The following RORA variants were observed in gnomAD, a reference collection of about 807,000 sequenced individuals.
RORA encodes RAR related orphan receptor A, also known as nuclear receptor ROR-alpha.
RORA carries 7 observed loss-of-function variants against 69.5 expected under a neutral mutation model. That is an observed-to-expected ratio of 0.10 (90% CI 0.06 to 0.19). The LOEUF is 0.19. Among genes scored for constraint, RORA ranks in the 10% least tolerant of loss-of-function variants. The pLI is 1.00. For synonymous variants in RORA, 261 were observed against 240.8 expected (o/e 1.08, Z -0.78); for missense variants, 457 against 663.0 (o/e 0.69, Z 3.41).
intron 1 of RORA, among the ~76,000 whole-genome samples, chr15:61,090,600 T>C (rs548657955): frequency 6.2e-4 from 95 of 152,356 alleles, no homozygotes; most frequent in African/African-American, 2.1e-3. Context: ...CCAAAGGTTA[T>C]GTAATTTTTG....
chr15:60,521,682 AAGGTCCCATGGCTGGGACTC>A (rs1469675729), intron 3 of RORA, among the ~76,000 whole-genome samples: 1 of 152,260 alleles, frequency 6.6e-6, no homozygotes, highest in African/African-American at 2.4e-5. Flanking sequence ...TGACTTGTCC[AAGGTCCCATGGCTGGGACTC>A]AATCTCTTGT....
intron 1 of RORA, among the ~76,000 whole-genome samples, chr15:61,041,724 A>C (rs1473105052): frequency 6.6e-6 from 1 of 152,192 alleles, no homozygotes; most frequent in Non-Finnish European, 1.5e-5. Context: ...ATGCCCAGCT[A>C]GTATGTTCAT....
In RORA at chr15:60,492,599, A is replaced by G. The variant is rs1003483334; in HGVS notation, c.*4856T>C. 1 of 152,230 alleles carries G rather than the reference A, an allele frequency of 6.6e-6. No individual in the cohort carries two copies. The highest frequency in any genetic ancestry group is 2.1e-4 in the South Asian group (1 of 4,818). 9.4% of individuals were successfully genotyped at this position (152,230 alleles called of 1,614,324 possible). On this transcript the variant is annotated 3_prime_UTR_variant, in exon 11 of 11. Coordinates refer to ENST00000335670, the MANE Select transcript of RORA (RefSeq NM_134261.3). ...CTGGATTTTAAAATTTTCATCCTTAATATGTAGAATTTGAAATAGTTTTTA... is the reference window on the plus strand; with the variant it reads ...CTGGATTTTAAAATTTTCATCCTTAGTATGTAGAATTTGAAATAGTTTTTA...
At chr15:60,889,211 G>A (rs1167906361) in intron 1 of RORA, among the ~76,000 whole-genome samples, 1 of 152,178 alleles carries the variant, frequency 6.6e-6, no homozygotes, top group Non-Finnish European at 1.5e-5. Context: ...TAGATTCTCC[G>A]GTGCTGTGCT....
chr15:60,993,763 C>A (rs961636558), intron 1 of RORA, among the ~76,000 whole-genome samples: 4 of 151,792 alleles, frequency 2.6e-5, no homozygotes, highest in African/African-American at 7.3e-5. Context: ...TCTAAGGAAC[C>A]TAACTGCAAT....
chr15:61,207,053 G>T (rs193173845), intron 1 of RORA, among the ~76,000 whole-genome samples: 2 of 151,896 alleles, frequency 1.3e-5, no homozygotes, highest in East Asian at 3.9e-4. Context: ...TATGCAGTTA[G>T]AAGAATATGT....
intron 1 of RORA, among the ~76,000 whole-genome samples, chr15:60,944,694 CAAAA>C (rs58523588): frequency 7.3e-5 from 7 of 96,416 alleles, no homozygotes; most frequent in Non-Finnish European, 1.0e-4. Context: ...CACTGTACTC[CAAAA>C]AAAAAAAAAA....
At chr15:60,883,013 C>T (rs1371524700) in intron 1 of RORA, among the ~76,000 whole-genome samples, 2 of 150,298 alleles carry the variant, frequency 1.3e-5, no homozygotes, top group African/African-American at 4.9e-5. Flanking sequence ...CGCCTGTAAT[C>T]CCAGTTGCTC....
intron 2 of RORA, among the ~76,000 whole-genome samples, chr15:60,602,537 G>C (rs892180644): frequency 6.6e-6 from 1 of 152,132 alleles, no homozygotes; most frequent in Non-Finnish European, 1.5e-5. Flanking sequence ...GTTAGATTTA[G>C]GCGTAACAAA....
chr15:60,774,269 A>G (rs1486695215), intron 1 of RORA, among the ~76,000 whole-genome samples: 2 of 152,180 alleles, frequency 1.3e-5, no homozygotes, highest in African/African-American at 4.8e-5. Context: ...TCTGCGTAGT[A>G]CTTTTCAATG....
intron 2 of RORA, among the ~76,000 whole-genome samples, chr15:60,623,200 A>G (rs1306110916): frequency 6.6e-6 from 1 of 152,212 alleles, no homozygotes; most frequent in African/African-American, 2.4e-5. Context: ...TGTGCTCTGC[A>G]AAGTCCCTGA....
intron 1 of RORA, among the ~76,000 whole-genome samples, chr15:61,139,195 T>C (rs1408152627): frequency 3.9e-5 from 6 of 151,924 alleles, no homozygotes; most frequent in East Asian, 3.9e-4. Flanking sequence ...AAACTCTCTA[T>C]CTTTAATGCT....
intron 1 of RORA, among the ~76,000 whole-genome samples, chr15:61,041,716 G>A (rs889045248): frequency 5.9e-5 from 9 of 152,134 alleles, no homozygotes; most frequent in African/African-American, 2.2e-4. Flanking sequence ...GAGCCACCAT[G>A]CCCAGCTAGT....
intron 2 of RORA, chr15:60,592,464 C>A: frequency 7.2e-7 from 1 of 1,381,538 alleles, no homozygotes; most frequent in Non-Finnish European, 9.4e-7. Context: ...GGTCCGACCC[C>A]GGAGCCCCCT....
chr15:60,646,283 T>C (rs1485867805), intron 2 of RORA, among the ~76,000 whole-genome samples: 2 of 152,230 alleles, frequency 1.3e-5, no homozygotes, highest in Admixed American at 6.5e-5. Context: ...AAACTCTTAA[T>C]TCATCTTTTC....
intron 1 of RORA, among the ~76,000 whole-genome samples, chr15:60,942,327 C>G (rs1892725158): frequency 6.6e-6 from 1 of 152,204 alleles, no homozygotes; most frequent in Non-Finnish European, 1.5e-5. Context: ...ACACCCTTAT[C>G]AGACCAAATC....
chr15:61,037,500 G>A (rs1444065844), intron 1 of RORA, among the ~76,000 whole-genome samples: 4 of 152,252 alleles, frequency 2.6e-5, no homozygotes, highest in African/African-American at 7.2e-5. Context: ...GGGCACAGAC[G>A]CAGCCACAGG....
At chr15:60,586,875 G>A (rs2068350501) in intron 2 of RORA, among the ~76,000 whole-genome samples, 1 of 152,028 alleles carries the variant, frequency 6.6e-6, no homozygotes. Context: ...TGAGAAATGA[G>A]ATTTTTCAGA....
In RORA at chr15:61,128,970, T is replaced by C. The variant is rs1475574136; in HGVS notation, c.166+100083A>G. Among the ~76,000 whole-genome samples, 1 of 152,238 alleles carries C rather than the reference T, an allele frequency of 6.6e-6. No homozygotes were observed. The highest frequency in any genetic ancestry group is 2.4e-5 in the African/African-American group (1 of 41,470). On this transcript the variant is annotated intron_variant, in intron 1 of 10. Coordinates refer to ENST00000335670, the MANE Select transcript of RORA (RefSeq NM_134261.3). This position sits in a 1 kb window ranked among gnomAD's most constrained non-coding sequence, Gnocchi z 4.5. ...CCTTCTACGAGTGCCCTTAACCCTT[T>C]ACAAAATAATAACTAGTGTCATGAA...
Sources: allele counts gnomAD v4.1 joint callset (sites outside exome capture counted in the v4.1 genomes callset), GRCh38; gene constraint gnomAD v4.1.1; non-coding constraint Gnocchi (gnomAD v3.1); transcripts MANE v1.5; gene names NCBI Gene and HGNC (gene_info 2026-07-23, HGNC 2026-07-21).